ANKS1A: variants seen among roughly 807,000 people sequenced by gnomAD.
ANKS1A encodes ankyrin repeat and SAM domain-containing protein 1A.
A neutral mutation model predicts 120.3 loss-of-function variants in ANKS1A; 55 were observed. The ratio of observed to expected loss-of-function variants is 0.46; its 90% CI spans 0.37 to 0.57. ANKS1A has a LOEUF of 0.57. Among genes scored for constraint, ANKS1A ranks in the 20% least tolerant of loss-of-function variants. The probability of loss-of-function intolerance (pLI) is 0.00; values close to 1 mark genes in which losing one functional copy is unlikely to be tolerated. For synonymous variants in ANKS1A, 590 were observed against 604.7 expected (o/e 0.98, Z 0.36); for missense variants, 1,123 against 1,480.3 (o/e 0.76, Z 3.96).
Position 35,089,725 on chromosome 6 carries a change from T to C in ANKS1A, c.*1116T>C. 1.0e-6 allele frequency: 1 copy of C among 997,394 alleles called. No individual in the cohort carries two copies. The highest frequency in any genetic ancestry group is 1.2e-6 in the Non-Finnish European group (1 of 837,386). The allele number at this position is 997,394 out of a possible 1,614,324, so 61.8% of individuals were successfully genotyped here. On this transcript the variant is annotated 3_prime_UTR_variant, in exon 24 of 24. Transcript: ENST00000360359. Reference sequence around the variant, plus strand: ...TGCGCCTCTGCTTCTTAAGCTTTCCTGCTGCTCGCTTTGTTTTTAAAAGTA... The same window carrying C: ...TGCGCCTCTGCTTCTTAAGCTTTCCCGCTGCTCGCTTTGTTTTTAAAAGTA...
intron 1 of ANKS1A, among the ~76,000 whole-genome samples, chr6:34,931,744 A>G (rs1768993112): frequency 1.3e-5 from 2 of 152,198 alleles, no homozygotes; most frequent in African/African-American, 4.8e-5. Context: ...GATACCCCCT[A>G]TAATCTAGGT....
intron 11 of ANKS1A, among the ~76,000 whole-genome samples, chr6:35,026,672 G>A (rs1774641193): frequency 6.6e-6 from 1 of 152,078 alleles, no homozygotes; most frequent in African/African-American, 2.4e-5. Context: ...GGAGGGAGAA[G>A]CATGAGTGGT....
intron 11 of ANKS1A, among the ~76,000 whole-genome samples, chr6:35,046,914 C>T (rs971543727): frequency 1.3e-5 from 2 of 152,186 alleles, no homozygotes; most frequent in African/African-American, 2.4e-5. Context: ...CTTCCTTAGC[C>T]AGCCAGTCCT....
intron 3 of ANKS1A, among the ~76,000 whole-genome samples, chr6:34,978,643 T>G (rs558051509): frequency 6.6e-6 from 1 of 151,838 alleles, no homozygotes; most frequent in South Asian, 2.1e-4. Context: ...CCGTCTCTAC[T>G]AAAAATACAA....
In ANKS1A at chr6:35,001,092, G is replaced by A. The variant is rs371402143; in HGVS notation, c.1423+6670G>A. On this transcript the variant is annotated intron_variant, in intron 10 of 23. Transcript: ENST00000360359. The stretch of plus-strand genomic sequence containing the variant: ...AAAATTGGATAAATATGTCTACAAG[G>A]TTTTATTAAAATTAAGTTTAACGTT... Among the ~76,000 whole-genome samples, 3 of 152,222 alleles carry A rather than the reference G, an allele frequency of 2.0e-5. No homozygotes were observed. In the East Asian group the frequency reaches 5.8e-4, roughly 29 times the overall value.
chr6:35,006,964 G>A (rs1362723066), intron 10 of ANKS1A, among the ~76,000 whole-genome samples: 1 of 152,148 alleles, frequency 6.6e-6, no homozygotes, highest in Non-Finnish European at 1.5e-5. Flanking sequence ...GGGCAATATA[G>A]TGAGACCCTG....
chr6:34,970,109 C>G lies in ANKS1A; in HGVS notation c.378C>G (p.Ala126=). ...PLHLAAWKGD[A]QIVRLLIHQG... is the part of the protein sequence containing the mutation. ...ATTTGGCAGCCTGGAAAGGAGATGCCCAGATAGTGCGGTTGCTCATCCATC... is the reference window on the plus strand; with the variant it reads ...ATTTGGCAGCCTGGAAAGGAGATGCGCAGATAGTGCGGTTGCTCATCCATC... Residue 126 remains alanine, a synonymous_variant, in exon 3 of 24, where the codon GCC becomes GCG. Coordinates refer to ENST00000360359, the MANE Select transcript of ANKS1A (RefSeq NM_015245.3). 2.5e-6 allele frequency: 4 copies of G among 1,614,018 alleles called. No homozygotes were observed. The highest frequency in any genetic ancestry group is 3.4e-6 in the Non-Finnish European group (4 of 1,179,990).
At chr6:35,013,661 G>A (rs1222654592) in intron 10 of ANKS1A, among the ~76,000 whole-genome samples, 1 of 152,212 alleles carries the variant, frequency 6.6e-6, no homozygotes, top group Non-Finnish European at 1.5e-5. Context: ...TCCATGGGAT[G>A]AGTGGTTACA....
chr6:35,026,711 C>G (rs1774643086), intron 11 of ANKS1A, among the ~76,000 whole-genome samples: 1 of 152,112 alleles, frequency 6.6e-6, no homozygotes, highest in Non-Finnish European at 1.5e-5. Flanking sequence ...TAATTAATTT[C>G]TCCTGTAAGA....
At chr6:34,894,890 A>G (rs1371300106) in intron 1 of ANKS1A, among the ~76,000 whole-genome samples, 3 of 152,190 alleles carry the variant, frequency 2.0e-5, no homozygotes, top group African/African-American at 7.2e-5. Flanking sequence ...TGAATAAGAA[A>G]AGAGGAAGCC....
chr6:34,912,686 G>T (rs1468207193), intron 1 of ANKS1A, among the ~76,000 whole-genome samples: 4 of 152,210 alleles, frequency 2.6e-5, no homozygotes, highest in Non-Finnish European at 5.9e-5. Flanking sequence ...CCACAAAGTC[G>T]ATTGGGGTTA....
chr6:35,029,005 A>G (rs1774765838), intron 11 of ANKS1A, among the ~76,000 whole-genome samples: 1 of 152,184 alleles, frequency 6.6e-6, no homozygotes, highest in South Asian at 2.1e-4. Context: ...TATCAACATG[A>G]GGGTGGTCAG....
At position 35,084,144 on chromosome 6, in the gene ANKS1A, C is replaced by T. The variant is rs376788634; in HGVS notation, c.3018C>T (p.Ile1006=). Residue 1006 remains isoleucine (I), a synonymous_variant, in exon 21 of 24, where the codon ATC becomes ATT. Coordinates refer to ENST00000360359, the MANE Select transcript of ANKS1A (RefSeq NM_015245.3). The surrounding 1 kb of genome is among the most constrained non-coding windows in gnomAD (Gnocchi z 4.8). ...SNKNVIAEHE[I]RNISCAAQDP... ...AGAACGTCATTGCAGAGCACGAGATCCGGAACATTTCCTGTGCGGCCCAGG... is the reference window on the plus strand; with the variant it reads ...AGAACGTCATTGCAGAGCACGAGATTCGGAACATTTCCTGTGCGGCCCAGG... 3.1e-6 allele frequency: 5 copies of T among 1,614,080 alleles called. No individual in the cohort carries two copies. Among genetic ancestry groups the T allele is most frequent in the Non-Finnish European group, 3.4e-6 (4 of 1,180,040 alleles).
chr6:35,026,713 C>T (rs577724640), intron 11 of ANKS1A, among the ~76,000 whole-genome samples: 3 of 152,136 alleles, frequency 2.0e-5, no homozygotes, highest in Admixed American at 2.0e-4. Context: ...ATTAATTTCT[C>T]CTGTAAGAGA....
intron 1 of ANKS1A, among the ~76,000 whole-genome samples, chr6:34,939,724 A>G (rs1229767288): frequency 6.6e-6 from 1 of 152,204 alleles, no homozygotes; most frequent in African/African-American, 2.4e-5. Flanking sequence ...TTCAAAAAAA[A>G]AAAGAAAAGG....
In ANKS1A at chr6:35,082,730, A is replaced by G; in HGVS notation, c.2749A>G (p.Ser917Gly). Residue 917 changes from serine (S) to glycine (G), a missense_variant, in exon 18 of 24, where the codon AGC becomes GGC. Ser to Gly is a moderately conservative substitution (Grantham distance 56, BLOSUM62 0). Around this residue, in one of 3 missense-constraint regions of ANKS1A, gnomAD observed 904 missense variants for 1,130.4 expected, o/e 0.80. Coordinates refer to ENST00000360359, the MANE Select transcript of ANKS1A (RefSeq NM_015245.3). This position sits in a 1 kb window ranked among gnomAD's most constrained non-coding sequence, Gnocchi z 4.1. ...GGCCAAGCTGACCCTGCGGCCCCCG[A>G]GCCTGGCAGCCCCCTACGCCCCAGT... ...REAKLTLRPP[S>G]LAAPYAPVQS... The G allele has an allele frequency of 6.2e-7, 1 of 1,613,450 alleles. No homozygotes were observed. Among genetic ancestry groups the G allele is most frequent in the East Asian group, 2.2e-5 (1 of 44,836 alleles).
At chr6:34,975,376 C>G (rs1465175173) in intron 3 of ANKS1A, among the ~76,000 whole-genome samples, 1 of 152,012 alleles carries the variant, frequency 6.6e-6, no homozygotes, top group African/African-American at 2.4e-5. Context: ...ATCGCTTGAA[C>G]CCAGGAGGCA....
chr6:35,086,138 T>A lies in ANKS1A; in HGVS notation c.3303+202T>A. 1 of 1,173,748 alleles carries A rather than the reference T, an allele frequency of 8.5e-7. No individual in the cohort carries two copies. Among genetic ancestry groups the A allele is most frequent in the Admixed American group, 2.3e-5 (1 of 42,646 alleles). The allele number at this position is 1,173,748 out of a possible 1,614,324, so 72.7% of individuals were successfully genotyped here. A position where few individuals can be genotyped will look rare whatever the true frequency, so the allele number is the denominator to read the frequency against. ...TCCTCTGGCCTGGGCGGGCCTCTCA[T>A]GCTCCTGTTTCCCTCCCTCGCTGGG... is the stretch of plus-strand genomic sequence containing the variant. On this transcript the variant is annotated intron_variant, in intron 22 of 23. Coordinates refer to ENST00000360359, the MANE Select transcript of ANKS1A (RefSeq NM_015245.3). This position sits in a 1 kb window ranked among gnomAD's most constrained non-coding sequence, Gnocchi z 5.1.
intron 13 of ANKS1A, among the ~76,000 whole-genome samples, chr6:35,075,596 A>C (rs2127602593): frequency 6.6e-6 from 1 of 152,122 alleles, no homozygotes; most frequent in South Asian, 2.1e-4. Flanking sequence ...TTGTATATTT[A>C]GTAGAGACGG....
Sources: allele counts gnomAD v4.1 joint callset (sites outside exome capture counted in the v4.1 genomes callset), GRCh38; gene constraint gnomAD v4.1.1; regional missense constraint gnomAD v4.1.1; non-coding constraint Gnocchi (gnomAD v3.1); transcripts MANE v1.5; gene names NCBI Gene and HGNC (gene_info 2026-07-23, HGNC 2026-07-21).